MARCOL: variants seen among roughly 807,000 people sequenced by gnomAD.
The protein encoded by MARCOL is MARCO-like protein.
intron 1 of MARCOL, among the ~76,000 whole-genome samples, chr5:148,239,472 G>T (rs1755940826): frequency 6.6e-6 from 1 of 151,862 alleles, no homozygotes; most frequent in Non-Finnish European, 1.5e-5. Context: ...TCAAAATAGT[G>T]TTTCTCTTTT....
chr5:148,239,780 C>T (rs1386464979), intron 1 of MARCOL, among the ~76,000 whole-genome samples: 1 of 151,850 alleles, frequency 6.6e-6, no homozygotes, highest in Non-Finnish European at 1.5e-5. Flanking sequence ...TTCATGATGG[C>T]AGGTACTGTA....
At chr5:148,241,700 G>A (rs1426979030) in intron 1 of MARCOL, among the ~76,000 whole-genome samples, 1 of 151,944 alleles carries the variant, frequency 6.6e-6, no homozygotes, top group Admixed American at 6.6e-5. Flanking sequence ...TTTCATTAGG[G>A]CATAGGTGGG....
chr5:148,242,315 T>C (rs1441769371), intron 1 of MARCOL, 131 bp from the exon 2 acceptor site: 3 of 389,460 alleles, frequency 7.7e-6, no homozygotes, highest in Non-Finnish European at 1.4e-5. Context: ...GAAGATTCTA[T>C]CTTGGGGCTT....
intron 1 of MARCOL, among the ~76,000 whole-genome samples, chr5:148,239,509 A>T (rs1159203): frequency 1.3e-5 from 2 of 151,608 alleles, no homozygotes; most frequent in African/African-American, 2.4e-5. Flanking sequence ...AAGCTGTTTC[A>T]GAGTTTTGAG....
At position 148,243,534 on chromosome 5, in the gene MARCOL, C is replaced by T. The variant is rs1755993166; in HGVS notation, c.*280C>T. 2.8e-5 allele frequency: 9 copies of T among 316,686 alleles called. No homozygotes were observed. In the East Asian group the frequency reaches 4.3e-4, roughly 15 times the overall value. The allele number at this position is 316,686 out of a possible 1,614,324, so 19.6% of individuals were successfully genotyped here. On this transcript the variant is annotated 3_prime_UTR_variant, in exon 2 of 2. Transcript: ENST00000638089. ...GGAATGGAAGCCAGAGCCATCTAGC[C>T]ATCAGAGAAAATTAAGGTCATTTTA... is the stretch of plus-strand genomic sequence containing the variant.
chr5:148,239,188 T>C (rs150831005), intron 1 of MARCOL, among the ~76,000 whole-genome samples: 1 of 152,128 alleles, frequency 6.6e-6, no homozygotes, highest in East Asian at 1.9e-4. Flanking sequence ...CTGTGTTTTT[T>C]TAGGTACTTG....
chr5:148,239,332 TATA>T (rs1755939063), intron 1 of MARCOL, among the ~76,000 whole-genome samples: 1 of 152,010 alleles, frequency 6.6e-6, no homozygotes, highest in South Asian at 2.1e-4. Flanking sequence ...AGATAAAAAT[TATA>T]ATAATGAAAC....
chr5:148,242,550 C>T lies in MARCOL; in HGVS notation c.154C>T (p.Gln52Ter). The T allele has an allele frequency of 2.5e-6, 1 of 398,210 alleles. No individual in the cohort carries two copies. Among genetic ancestry groups the T allele is most frequent in the Non-Finnish European group, 4.4e-6 (1 of 225,908 alleles). The allele number at this position is 398,210 out of a possible 1,614,324, so 24.7% of individuals were successfully genotyped here. A position where few individuals can be genotyped will look rare whatever the true frequency, so the allele number is the denominator to read the frequency against. ...EKNEANHLGGQRDSNKQGGSY... is the reference protein window; with the variant it reads ...EKNEANHLGG ...AAATGAAGCTAACCATCTAGGAGGA[C>T]AAAGAGATTCTAATAAGCAAGGAGG... Residue 52 changes from glutamine to a stop codon, truncating the protein, a stop_gained, in exon 2 of 2, where the codon CAA becomes TAA. Transcript: ENST00000638089. LOFTEE classifies it low-confidence loss of function (END_TRUNC).
In MARCOL at chr5:148,242,463, T is replaced by G. The variant is rs1362671943; in HGVS notation, c.67T>G (p.Ser23Ala). 1 of 398,110 alleles carries G rather than the reference T, an allele frequency of 2.5e-6. No individual in the cohort carries two copies. The highest frequency in any genetic ancestry group is 4.4e-6 in the Non-Finnish European group (1 of 225,788). 24.7% of individuals were successfully genotyped at this position (398,110 alleles called of 1,614,324 possible). A position where few individuals can be genotyped will look rare whatever the true frequency, so the allele number is the denominator to read the frequency against. The change falls in exon 2 of 2, where the codon TCA becomes GCA. Residue 23 changes from serine (S) to alanine (A), a missense_variant. Transcript: ENST00000638089. ...AMFSASSTQI[S>A]NTSVFKLEEN... The stretch of plus-strand genomic sequence containing the variant: ...TATTCCAGCATCTTCAACCCAGATT[T>G]CAAATACCAGTGTTTTCAAACTAGA...
At chr5:148,240,733 G>A (rs892779929) in intron 1 of MARCOL, among the ~76,000 whole-genome samples, 15 of 151,754 alleles carry the variant, frequency 9.9e-5, no homozygotes, top group African/African-American at 3.6e-4. Flanking sequence ...AATGAGCAAT[G>A]TTTTATTCCT....
chr5:148,240,596 C>T (rs1470692474), intron 1 of MARCOL, among the ~76,000 whole-genome samples: 1 of 151,704 alleles, frequency 6.6e-6, no homozygotes, highest in African/African-American at 2.4e-5. Context: ...TAGGATTTGG[C>T]CCCATTTACT....
In MARCOL at chr5:148,243,470, A is replaced by T. The variant is rs1216039472; in HGVS notation, c.*216A>T. 1 of 372,112 alleles carries T rather than the reference A, an allele frequency of 2.7e-6. No homozygotes were observed. Among genetic ancestry groups the T allele is most frequent in the East Asian group, 3.8e-5 (1 of 26,144 alleles). 23.1% of individuals were successfully genotyped at this position (372,112 alleles called of 1,614,324 possible). On this transcript the variant is annotated 3_prime_UTR_variant, in exon 2 of 2. Transcript: ENST00000638089. ...CTTCTAAGCAGCAGGGGAAGCCAGG[A>T]TCATCTAGCCAGCAAGGAAATATAG...
At chr5:148,239,066 C>G (rs1313569552) in intron 1 of MARCOL, among the ~76,000 whole-genome samples, 1 of 151,900 alleles carries the variant, frequency 6.6e-6, no homozygotes, top group Non-Finnish European at 1.5e-5. Context: ...TTTGAGGAAA[C>G]TTGTTTAACT....
rs1040048829 is a variant in MARCOL at position 148,243,368 on chromosome 5, T to C, written c.*114T>C. 2.5e-6 allele frequency: 1 copy of C among 398,234 alleles called. No individual in the cohort carries two copies. Among genetic ancestry groups the C allele is most frequent in the Non-Finnish European group, 4.4e-6 (1 of 226,260 alleles). The allele number at this position is 398,234 out of a possible 1,614,324, so 24.7% of individuals were successfully genotyped here. On this transcript the variant is annotated 3_prime_UTR_variant, in exon 2 of 2. Coordinates refer to ENST00000638089, the MANE Select transcript of MARCOL (RefSeq NM_001363511.2). The stretch of plus-strand genomic sequence containing the variant: ...GCTATCAAGGGAAGCCAGTGTCATC[T>C]AGCCAACAAGGGAAGCCAGTGTCAT...
intron 1 of MARCOL, among the ~76,000 whole-genome samples, chr5:148,239,564 T>C (rs1755941766): frequency 1.3e-5 from 2 of 151,828 alleles, no homozygotes; most frequent in Admixed American, 1.3e-4. Flanking sequence ...ATCAGTCTTG[T>C]GGTAATACTA....
At position 148,242,844 on chromosome 5, in the gene MARCOL, C is replaced by G; in HGVS notation, c.448C>G (p.Pro150Ala). 2.5e-6 allele frequency: 1 copy of G among 398,808 alleles called. No homozygotes were observed. 24.7% of individuals were successfully genotyped at this position (398,808 alleles called of 1,614,324 possible). Residue 150 changes from proline to alanine, a missense_variant, in exon 2 of 2, where the codon CCA becomes GCA. By Grantham distance (27) the Pro-to-Ala change is conservative. Transcript: ENST00000638089. ...AGGGTCATCTGACCAACAAGAGAAA[C>G]CAGGGTCATTTAGCCAGAAAGTGAT... Reference protein sequence around the residue: ...NPGSSDQQEKPGSFSQKVMVG... With the variant: ...NPGSSDQQEKAGSFSQKVMVG...
chr5:148,239,085 T>C (rs1031120279), intron 1 of MARCOL, among the ~76,000 whole-genome samples: 3 of 152,064 alleles, frequency 2.0e-5, no homozygotes, highest in Admixed American at 6.6e-5. Context: ...CTTACTTGAA[T>C]CTCAATTTTC....
chr5:148,239,019 G>A (rs559258533), intron 1 of MARCOL, among the ~76,000 whole-genome samples: 22 of 152,144 alleles, frequency 1.4e-4, no homozygotes, highest in Admixed American at 2.6e-4. Flanking sequence ...AAATAATAAT[G>A]TGTTCAAATC....
intron 1 of MARCOL, among the ~76,000 whole-genome samples, chr5:148,239,418 AAAAGT>A (rs1307340231): frequency 2.0e-5 from 3 of 152,106 alleles, no homozygotes; most frequent in South Asian, 2.1e-4. Context: ...ATGAAATAAT[AAAAGT>A]AAAGTGCCTC....
Sources: gnomAD v4.1 joint callset for allele counts (sites outside exome capture counted in the v4.1 genomes callset) on GRCh38, gnomAD v4.1.1 for gene constraint, MANE v1.5 for transcripts, NCBI Gene and HGNC (gene_info 2026-07-23, HGNC 2026-07-21) for gene names.